The following FANCD2OS variants were observed in gnomAD, a reference collection of about 807,000 sequenced individuals.
The protein encoded by FANCD2OS is FANCD2 opposite strand, also known as FANCD2 opposite strand protein.
In FANCD2OS, 11 loss-of-function variants were observed where a neutral mutation model predicts 13.2. The ratio of observed to expected loss-of-function variants is 0.83; its 90% CI spans 0.52 to 1.38. FANCD2OS has a LOEUF of 1.38. FANCD2OS is among the 40% of genes most tolerant of loss of function. The pLI is 0.00. For missense variants in FANCD2OS, 217 were observed against 213.9 expected (o/e 1.01, Z -0.09); for synonymous variants, 69 against 84.5 (o/e 0.82, Z 1.01).
chr3:10,085,138 CTGTATT>C (rs1271702186), intron 2 of FANCD2OS, among the ~76,000 whole-genome samples: 1 of 152,106 alleles, frequency 6.6e-6, no homozygotes, highest in Non-Finnish European at 1.5e-5. Context: ...AAAATTATTC[CTGTATT>C]TTTGAAGAAG....
At chr3:10,084,432 G>A (rs1456881328) in intron 2 of FANCD2OS, among the ~76,000 whole-genome samples, 1 of 151,796 alleles carries the variant, frequency 6.6e-6, no homozygotes, top group Non-Finnish European at 1.5e-5. Flanking sequence ...TGGGACTGCA[G>A]GCATGTACCA....
intron 2 of FANCD2OS, chr3:10,095,192 G>T: frequency 1.2e-6 from 2 of 1,609,958 alleles, no homozygotes; most frequent in Non-Finnish European, 1.7e-6. Context: ...TAAACTTATT[G>T]GTTATAGGAA....
chr3:10,094,491 A>G, intron 2 of FANCD2OS: 1 of 814,686 alleles, frequency 1.2e-6, no homozygotes, highest in Non-Finnish European at 2.1e-6. Context: ...AGCTGTAGCC[A>G]GAGATCCCCA....
intron 1 of FANCD2OS, among the ~76,000 whole-genome samples, chr3:10,107,448 G>T (rs2125112806): frequency 6.6e-6 from 1 of 151,944 alleles, no homozygotes; most frequent in African/African-American, 2.4e-5. Context: ...ACCACGCCCG[G>T]CTAATTTTTT....
In FANCD2OS at chr3:10,089,141, C is replaced by T. The variant is rs56252804; in HGVS notation, c.*44-7610G>A. 8.6e-4 allele frequency among the ~76,000 whole-genome samples: 131 copies of T among 152,058 alleles called. 1 individual carries two copies. The South Asian group carries it at 0.018, about 21-fold the overall frequency. ...CCCTACTAAAAATACAAAAATTAGC[C>T]GGGCGTGGTGGCACATGCCTGTAAT... On this transcript the variant is annotated intron_variant, in intron 2 of 2. Transcript: ENST00000524279.
intron 2 of FANCD2OS, among the ~76,000 whole-genome samples, chr3:10,092,746 G>T (rs921451927): frequency 7.5e-6 from 1 of 132,568 alleles, no homozygotes; most frequent in Non-Finnish European, 1.5e-5. Context: ...AGGCTGGAAT[G>T]CAGTAGGGTG....
chr3:10,088,124 G>C (rs1294153300), intron 2 of FANCD2OS, among the ~76,000 whole-genome samples: 2 of 152,178 alleles, frequency 1.3e-5, no homozygotes, highest in Admixed American at 6.5e-5. Flanking sequence ...GCCAGCCCAG[G>C]AGGAACAAGA....
downstream of FANCD2OS, chr3:10,099,052 G>A: frequency 6.3e-7 from 1 of 1,592,190 alleles, no homozygotes; most frequent in East Asian, 2.3e-5. Context: ...TTATAGAGTT[G>A]ACAATTTTCT....
intron 2 of FANCD2OS, among the ~76,000 whole-genome samples, chr3:10,084,580 G>T (rs747697451): frequency 1.3e-5 from 2 of 152,172 alleles, no homozygotes; most frequent in Non-Finnish European, 2.9e-5. Context: ...CATTAGAGGC[G>T]TGAGCCACCA....
intron 2 of FANCD2OS, chr3:10,088,470 T>C (rs531334776): frequency 6.2e-7 from 1 of 1,610,572 alleles, no homozygotes; most frequent in South Asian, 1.1e-5. Context: ...AGACAATTCC[T>C]CTGTCGGGTG....
chr3:10,081,623 T>A, intron 2 of FANCD2OS: 1 of 729,316 alleles, frequency 1.4e-6, no homozygotes, highest in South Asian at 1.5e-5. Flanking sequence ...TATTATTTCA[T>A]TTGATCTTGT....
chr3:10,085,539 C>A (rs1288136865), intron 2 of FANCD2OS, among the ~76,000 whole-genome samples: 1 of 151,806 alleles, frequency 6.6e-6, no homozygotes, highest in African/African-American at 2.4e-5. Context: ...CTACAGGTGC[C>A]CGCCACCACA....
intron 1 of FANCD2OS, among the ~76,000 whole-genome samples, chr3:10,105,796 ATATATATATATATATATATATATATT>A (rs1173313536): frequency 0.065 from 5,753 of 88,060 alleles, 589 homozygotes; most frequent in African/African-American, 0.2. Flanking sequence ...ATATATATAT[ATATATATATATATATATATATATATT>A]TTGAGGTTCG....
intron 2 of FANCD2OS, chr3:10,093,311 T>C: frequency 1.2e-6 from 2 of 1,613,078 alleles, no homozygotes; most frequent in East Asian, 2.2e-5. Flanking sequence ...CTGTTCTGCA[T>C]GTATGTTTGA....
chr3:10,094,000 A>G (rs1694806402), intron 2 of FANCD2OS, among the ~76,000 whole-genome samples: 1 of 152,210 alleles, frequency 6.6e-6, no homozygotes, highest in African/African-American at 2.4e-5. Flanking sequence ...ATCCTCAGAT[A>G]GAGCTCCCCT....
chr3:10,106,135 A>G (rs1271215491), intron 1 of FANCD2OS, among the ~76,000 whole-genome samples: 1 of 152,120 alleles, frequency 6.6e-6, no homozygotes, highest in Non-Finnish European at 1.5e-5. Context: ...CAGAGGAGCT[A>G]CACCAGGCTG....
intron 2 of FANCD2OS, among the ~76,000 whole-genome samples, chr3:10,089,988 C>T (rs1361281136): frequency 6.6e-6 from 1 of 152,174 alleles, no homozygotes; most frequent in Non-Finnish European, 1.5e-5. Flanking sequence ...ACTTCTCAAG[C>T]TTACACGTGC....
At chr3:10,086,193 G>A (rs1322871359) in intron 2 of FANCD2OS, among the ~76,000 whole-genome samples, 3 of 152,190 alleles carry the variant, frequency 2.0e-5, no homozygotes, top group East Asian at 1.9e-4. Flanking sequence ...TTGACCATCT[G>A]TAATCAACTC....
Position 10,090,331 on chromosome 3 carries a change from A to T in FANCD2OS, c.*44-8800T>A. The T allele has an allele frequency of 6.2e-7, 1 of 1,613,538 alleles. No individual in the cohort carries two copies. Among genetic ancestry groups the T allele is most frequent in the Non-Finnish European group, 8.5e-7 (1 of 1,179,856 alleles). ...TTTTCTTCCGTGTGATGATGGCTGAACTAGAGAAGACGGTGAAAAAAATTG... is the reference window on the plus strand; with the variant it reads ...TTTTCTTCCGTGTGATGATGGCTGATCTAGAGAAGACGGTGAAAAAAATTG... On this transcript the variant is annotated intron_variant, in intron 2 of 2. Transcript: ENST00000524279.
Sources: allele counts gnomAD v4.1 joint callset (sites outside exome capture counted in the v4.1 genomes callset), GRCh38; gene constraint gnomAD v4.1.1; transcripts MANE v1.5; gene names NCBI Gene and HGNC (gene_info 2026-07-23, HGNC 2026-07-21).